ITSN1: variants seen among roughly 807,000 people sequenced by gnomAD.
ITSN1 encodes the protein intersectin 1.
A neutral mutation model predicts 239.8 loss-of-function variants in ITSN1; 58 were observed. The observed-to-expected ratio is 0.24, with a 90% CI of 0.20 to 0.30. ITSN1 has a LOEUF of 0.30. Ranked by LOEUF, ITSN1 falls within the 10% of genes least tolerant of loss-of-function variation. ITSN1 has a pLI of 1.00. For missense variants in ITSN1, 1,558 were observed against 2,103.3 expected (o/e 0.74, Z 5.07); for synonymous variants, 780 against 770.8 (o/e 1.01, Z -0.20).
chr21:33,719,127 C>A (rs1220823277), intron 2 of ITSN1, among the ~76,000 whole-genome samples: 4 of 152,086 alleles, frequency 2.6e-5, no homozygotes, highest in Non-Finnish European at 5.9e-5. Flanking sequence ...ACTTCAGTAC[C>A]ATTATCACAT....
At chr21:33,760,788 A>G (rs1263064803) in intron 8 of ITSN1, among the ~76,000 whole-genome samples, 13 of 152,174 alleles carry the variant, frequency 8.5e-5, no homozygotes, top group Admixed American at 8.5e-4. Context: ...AATCTTCCCA[A>G]CAAAATTGCC....
chr21:33,666,520 T>C (rs1399081274), intron 1 of ITSN1, among the ~76,000 whole-genome samples: 4 of 152,258 alleles, frequency 2.6e-5, no homozygotes, highest in Admixed American at 6.5e-5. Context: ...GTTGTAATTT[T>C]GCCAAAATAC....
At chr21:33,719,130 T>TATC (rs1159142370) in intron 2 of ITSN1, among the ~76,000 whole-genome samples, 1 of 152,160 alleles carries the variant, frequency 6.6e-6, no homozygotes, top group Non-Finnish European at 1.5e-5. Flanking sequence ...TCAGTACCAT[T>TATC]ATCACATCTA....
chr21:33,828,786 G>C (rs1186717659), intron 26 of ITSN1, among the ~76,000 whole-genome samples: 1 of 152,120 alleles, frequency 6.6e-6, no homozygotes, highest in Admixed American at 6.6e-5. Flanking sequence ...GGCAGAGAAG[G>C]GTTCTGTCTC....
chr21:33,780,978 A>G (rs1024913235), intron 14 of ITSN1, among the ~76,000 whole-genome samples: 17 of 152,222 alleles, frequency 1.1e-4, no homozygotes, highest in African/African-American at 4.1e-4. Context: ...CTAGTTGTTA[A>G]AAATCTTTGA....
At chr21:33,875,646 G>T in intron 34 of ITSN1, 125 bp downstream of exon 34, 1 of 826,848 alleles carries the variant, frequency 1.2e-6, no homozygotes, top group Non-Finnish European at 1.9e-6. Flanking sequence ...TTTCCATCCA[G>T]CTGCTTCTCA....
At chr21:33,871,390 A>G (rs11911974) in intron 33 of ITSN1, among the ~76,000 whole-genome samples, 45,471 of 151,174 alleles carry the variant, frequency 0.3, 7,304 homozygotes, top group East Asian at 0.42. Context: ...TGATTGAGTC[A>G]CTGCACTCCA....
intron 27 of ITSN1, 55 bp from the exon 28 acceptor site, chr21:33,834,252 T>C: frequency 8.1e-7 from 1 of 1,228,370 alleles, no homozygotes; most frequent in South Asian, 1.2e-5. Context: ...TAAAGTGAGC[T>C]GTATTATAAA....
chr21:33,753,866 G>T (rs1228764541), intron 7 of ITSN1, among the ~76,000 whole-genome samples: 1 of 146,312 alleles, frequency 6.8e-6, no homozygotes, highest in African/African-American at 2.6e-5. Flanking sequence ...TTATTGATTT[G>T]TGACATTAGA....
chr21:33,683,862 T>G (rs2091100749), intron 1 of ITSN1, among the ~76,000 whole-genome samples: 1 of 152,230 alleles, frequency 6.6e-6, no homozygotes, highest in Non-Finnish European at 1.5e-5. Flanking sequence ...TGCTATCCAT[T>G]TTAGAAATAT....
At position 33,792,353 on chromosome 21, in the gene ITSN1, T is replaced by C. The variant is rs557642344; in HGVS notation, c.1825-1988T>C. Among the ~76,000 whole-genome samples, 248 of 152,248 alleles carry C rather than the reference T, an allele frequency of 1.6e-3. 1 individual carries two copies. The highest frequency in any genetic ancestry group is 5.8e-3 in the African/African-American group (240 of 41,558). Reference sequence around the variant, plus strand: ...CCGAGTAGCTGGGACTGCAGGCGCCTGCCACCATGCCCGGCTAATTTTTTG... The same window carrying C: ...CCGAGTAGCTGGGACTGCAGGCGCCCGCCACCATGCCCGGCTAATTTTTTG... On this transcript the variant is annotated intron_variant, in intron 16 of 39. Coordinates refer to ENST00000381318, the MANE Select transcript of ITSN1 (RefSeq NM_003024.3).
In ITSN1 at chr21:33,882,353, C is replaced by T. The variant is rs138543162; in HGVS notation, c.4452C>T (p.Asn1484=). Residue 1484 remains asparagine (N), a synonymous_variant, in exon 35 of 40, where the codon AAC becomes AAT. Transcript: ENST00000381318. This position sits in a 1 kb window ranked among gnomAD's most constrained non-coding sequence, Gnocchi z 4.5. ...AGGAGCTGTATGGCTTCCTTTTCAA[C>T]GACTTCCTCCTGCTGACTCAGATCA... is the stretch of plus-strand genomic sequence containing the variant. The part of the protein sequence containing the change: ...SNKELYGFLF[N]DFLLLTQITK... 371 of 1,614,202 alleles carry T rather than the reference C, an allele frequency of 2.3e-4. No homozygotes were observed. The highest frequency in any genetic ancestry group is 2.6e-4 in the Non-Finnish European group (307 of 1,180,040).
chr21:33,680,859 G>T (rs1315059423), intron 1 of ITSN1, among the ~76,000 whole-genome samples: 1 of 152,184 alleles, frequency 6.6e-6, no homozygotes, highest in Admixed American at 6.5e-5. Flanking sequence ...TGTATCCCTT[G>T]CTCGTAGGTT....
chr21:33,735,339 G>T (rs756791228), intron 5 of ITSN1, 135 bp downstream of exon 5: 5 of 881,230 alleles, frequency 5.7e-6, no homozygotes, highest in Admixed American at 4.0e-5. Flanking sequence ...ATGGCCCCCT[G>T]CAGGAAGATA....
At chr21:33,886,929 C>G (rs917003489) in intron 39 of ITSN1, among the ~76,000 whole-genome samples, 12 of 152,186 alleles carry the variant, frequency 7.9e-5, no homozygotes, top group Non-Finnish European at 1.8e-4. Flanking sequence ...TTGAATGAAT[C>G]ATTTCTTCAG....
chr21:33,814,279 C>T (rs2073118762), intron 22 of ITSN1: 1 of 546,660 alleles, frequency 1.8e-6, no homozygotes, highest in Non-Finnish European at 3.2e-6. Context: ...GTCAACTTCT[C>T]CTGCCTGGGT....
At position 33,876,074 on chromosome 21, in the gene ITSN1, C is replaced by T. The variant is rs200217119; in HGVS notation, c.4341+553C>T. On this transcript the variant is annotated intron_variant, in intron 34 of 39. Coordinates refer to ENST00000381318, the MANE Select transcript of ITSN1 (RefSeq NM_003024.3). ...TGCTGATTTCTTTCTTTCTCTTTCT[C>T]CCTTTTTCTTTCCTCTTTCTTTCTT... Among the ~76,000 whole-genome samples, 39 of 138,108 alleles carry T rather than the reference C, an allele frequency of 2.8e-4. No individual in the cohort carries two copies. In the South Asian group the frequency reaches 6.0e-3, roughly 21 times the overall value. The allele number at this position is 138,108 out of a possible 152,430, so 90.6% of individuals were successfully genotyped here.
chr21:33,647,054 G>A (rs1213437383), intron 1 of ITSN1, among the ~76,000 whole-genome samples: 2 of 151,778 alleles, frequency 1.3e-5, no homozygotes, highest in African/African-American at 2.4e-5. Context: ...TTAATTGAAT[G>A]ACTAGACTAA....
At chr21:33,806,306 A>G (rs140818986) in intron 20 of ITSN1, among the ~76,000 whole-genome samples, 69 of 152,242 alleles carry the variant, frequency 4.5e-4, no homozygotes, top group African/African-American at 1.5e-3. Flanking sequence ...TACTACCTGC[A>G]CTCCTCAACA....
Sources: gnomAD v4.1 joint callset for allele counts (sites outside exome capture counted in the v4.1 genomes callset) on GRCh38, gnomAD v4.1.1 for gene constraint, Gnocchi (gnomAD v3.1) non-coding constraint, MANE v1.5 for transcripts, NCBI Gene and HGNC (gene_info 2026-07-23, HGNC 2026-07-21) for gene names.